The following DOCK7 variants were observed in gnomAD, a reference collection of about 807,000 sequenced individuals.
The protein encoded by DOCK7 is dedicator of cytokinesis 7.
In DOCK7, 138 loss-of-function variants were observed where a neutral mutation model predicts 271.0. The ratio of observed to expected loss-of-function variants is 0.51; its 90% confidence interval spans 0.44 to 0.59. The LOEUF (loss-of-function observed/expected upper bound fraction) is 0.59. Among genes scored for constraint, DOCK7 ranks in the 20% least tolerant of loss-of-function variants. The probability of loss-of-function intolerance (pLI) is 0.00; values close to 1 mark genes in which losing one functional copy is unlikely to be tolerated. For missense variants in DOCK7, 2,066 were observed against 2,592.4 expected (o/e 0.80, Z 4.41); for synonymous variants, 823 against 876.1 (o/e 0.94, Z 1.07).
intron 14 of DOCK7, among the ~76,000 whole-genome samples, chr1:62,611,685 C>T (rs1651804177): frequency 6.6e-6 from 1 of 151,926 alleles, no homozygotes; most frequent in Non-Finnish European, 1.5e-5. Flanking sequence ...ATCAACAGCA[C>T]ACATATTCTG....
intron 43 of DOCK7, chr1:62,484,896 T>A (rs1646248391): frequency 6.5e-6 from 1 of 152,874 alleles, no homozygotes. Context: ...TCCTAGCACT[T>A]TGGGAGGCTG....
chr1:62,567,482 G>T (rs960339822), intron 18 of DOCK7, among the ~76,000 whole-genome samples: 5 of 151,846 alleles, frequency 3.3e-5, no homozygotes, highest in South Asian at 2.1e-4. Context: ...TCACTCATAA[G>T]TGGGAGCTGA....
chr1:62,685,532 C>T (rs1337659402), intron 1 of DOCK7, among the ~76,000 whole-genome samples: 2 of 152,128 alleles, frequency 1.3e-5, no homozygotes, highest in East Asian at 1.9e-4. Flanking sequence ...CTCATCAACC[C>T]CCACCCACCC....
chr1:62,553,344 ATATATATATATTTTTTTTTTT>A (rs1413767600), intron 21 of DOCK7, among the ~76,000 whole-genome samples: 370 of 31,132 alleles, frequency 0.012, no homozygotes, highest in Middle Eastern at 0.029. Flanking sequence ...ATATATATAT[ATATATATATATTTTTTTTTTT>A]TTTTTTTTTT....
In DOCK7 at chr1:62,582,607, A is replaced by ACCCC. The variant is rs1162851417; in HGVS notation, c.1871+576_1871+577insGGGG. Among the ~76,000 whole-genome samples, 411 of 150,506 alleles carry ACCCC rather than the reference A, an allele frequency of 2.7e-3. 5 individuals carry two copies. The highest frequency in any genetic ancestry group is 0.011 in the East Asian group (55 of 5,164). ...TTATAAAAGAGCTGTGGGCCCCAAA[A>ACCCC]AAAAAAAGATAAAATGAATTGCTGT... On this transcript the variant is annotated intron_variant, in intron 16 of 49. Transcript: ENST00000635253.
chr1:62,634,603 T>C (rs1195872645), intron 9 of DOCK7, 170 bp downstream of exon 9: 1 of 548,304 alleles, frequency 1.8e-6, no homozygotes, highest in Admixed American at 3.6e-5. Flanking sequence ...AATAAAGAGT[T>C]CAAGAAAAAT....
At chr1:62,565,490 G>A (rs1646481404) in intron 18 of DOCK7, among the ~76,000 whole-genome samples, 1 of 152,054 alleles carries the variant, frequency 6.6e-6, no homozygotes, top group African/African-American at 2.4e-5. Flanking sequence ...TGCAGAGAAG[G>A]CCTTCAACAA....
chr1:62,604,931 T>TA (rs1425010682), intron 14 of DOCK7: 17 of 1,095,152 alleles, frequency 1.6e-5, no homozygotes, highest in Middle Eastern at 6.0e-4. Flanking sequence ...AGATTTTTTT[T>TA]ATCTTAAAGT....
chr1:62,556,694 C>G (rs966322145), intron 20 of DOCK7, among the ~76,000 whole-genome samples: 1 of 152,068 alleles, frequency 6.6e-6, no homozygotes. Context: ...AACTGAACAG[C>G]CACTTTGAGC....
intron 1 of DOCK7, among the ~76,000 whole-genome samples, chr1:62,687,889 T>A (rs985177873): frequency 1.3e-5 from 2 of 152,038 alleles, no homozygotes; most frequent in African/African-American, 4.8e-5. Context: ...CACAAAGAAT[T>A]TGGGAAGCGG....
At position 62,477,683 on chromosome 1, in the gene DOCK7, A is replaced by G; in HGVS notation, c.5634+17T>C. On this transcript the variant is annotated intron_variant, in intron 44 of 49. Coordinates refer to ENST00000635253, the MANE Select transcript of DOCK7 (RefSeq NM_001367561.1). ...ACAAACTAAAGATGACATTTTATGAACCACCACAGCATTCACCTCCAATCT... is the reference window on the plus strand; with the variant it reads ...ACAAACTAAAGATGACATTTTATGAGCCACCACAGCATTCACCTCCAATCT... 6 of 1,570,490 alleles carry G rather than the reference A, an allele frequency of 3.8e-6. No individual in the cohort carries two copies. Among genetic ancestry groups the G allele is most frequent in the Non-Finnish European group, 2.6e-6 (3 of 1,160,938 alleles).
intron 43 of DOCK7, among the ~76,000 whole-genome samples, chr1:62,480,644 A>G (rs1646093473): frequency 6.6e-6 from 1 of 152,200 alleles, no homozygotes; most frequent in South Asian, 2.1e-4. Flanking sequence ...TATTAGGGAA[A>G]GCGTTCATCC....
Position 62,455,415 on chromosome 1 carries a change from T to G in DOCK7, c.6422A>C (p.Ter2141SerextTer61), listed in dbSNP as rs1202463736. Residue 2141 changes from the stop codon to serine (S), a stop_lost, in exon 50 of 50, where the codon TAA becomes TCA. Coordinates refer to ENST00000635253, the MANE Select transcript of DOCK7 (RefSeq NM_001367561.1). ...ATGAATAAAACAAGTGCATTCAGTTTAGAGATCCATTTTGCGAAGGCTCAT... is the reference window on the plus strand; with the variant it reads ...ATGAATAAAACAAGTGCATTCAGTTGAGAGATCCATTTTGCGAAGGCTCAT... ...SRMSLRKMDL* is the reference protein window; with the variant it reads ...SRMSLRKMDLS The G allele has an allele frequency of 1.2e-6, 2 of 1,613,616 alleles. No individual in the cohort carries two copies. The highest frequency in any genetic ancestry group is 1.3e-5 in the African/African-American group (1 of 75,034).
intron 1 of DOCK7, among the ~76,000 whole-genome samples, chr1:62,684,920 A>C (rs1034464700): frequency 6.6e-6 from 1 of 152,250 alleles, no homozygotes; most frequent in African/African-American, 2.4e-5. Flanking sequence ...CTGCGACAGA[A>C]ACAAGATCAT....
intron 41 of DOCK7, among the ~76,000 whole-genome samples, chr1:62,490,284 C>T (rs955947462): frequency 2.0e-5 from 3 of 151,666 alleles, no homozygotes; most frequent in Admixed American, 2.0e-4. Context: ...ATTGAGCGGG[C>T]TGGTTTCAAA....
chr1:62,498,530 CTTAATA>C (rs1162820896), intron 37 of DOCK7, among the ~76,000 whole-genome samples: 3 of 151,806 alleles, frequency 2.0e-5, no homozygotes, highest in Non-Finnish European at 4.4e-5. Context: ...CTATGTTTTA[CTTAATA>C]TTAATTTATG....
intron 40 of DOCK7, among the ~76,000 whole-genome samples, chr1:62,493,926 T>C (rs1646540520): frequency 2.0e-5 from 3 of 152,188 alleles, no homozygotes. Context: ...GTATATCTGC[T>C]ATGTGAAGTA....
chr1:62,587,866 A>G (rs1305196533), intron 14 of DOCK7, among the ~76,000 whole-genome samples: 1 of 152,134 alleles, frequency 6.6e-6, no homozygotes, highest in Non-Finnish European at 1.5e-5. Flanking sequence ...CTAAAAACTA[A>G]TAATGATGGC....
chr1:62,526,469 G>C (rs933638133), intron 31 of DOCK7, among the ~76,000 whole-genome samples: 1 of 150,980 alleles, frequency 6.6e-6, no homozygotes. Flanking sequence ...TTGCTGATGA[G>C]AATGAAAAAC....
Sources: gnomAD v4.1 joint callset for allele counts (sites outside exome capture counted in the v4.1 genomes callset) on GRCh38, gnomAD v4.1.1 for gene constraint, MANE v1.5 for transcripts, NCBI Gene and HGNC (gene_info 2026-07-23, HGNC 2026-07-21) for gene names.